The following INPP5A variants were observed in gnomAD, a reference collection of about 807,000 sequenced individuals.
INPP5A encodes the protein inositol polyphosphate-5-phosphatase A.
INPP5A carries 14 observed loss-of-function variants against 65.2 expected under a neutral mutation model. The observed-to-expected ratio is 0.21, with a 90% CI of 0.14 to 0.34. The LOEUF (loss-of-function observed/expected upper bound fraction) is 0.34. INPP5A is among the 10% of genes least tolerant of loss of function. The probability of loss-of-function intolerance (pLI) is 1.00; values close to 1 mark genes in which losing one functional copy is unlikely to be tolerated. For synonymous variants in INPP5A, 207 were observed against 208.3 expected (o/e 0.99, Z 0.05); for missense variants, 431 against 545.6 (o/e 0.79, Z 2.09).
chr10:132,662,202 T>C (rs2072745468), intron 4 of INPP5A, among the ~76,000 whole-genome samples: 1 of 152,172 alleles, frequency 6.6e-6, no homozygotes, highest in African/African-American at 2.4e-5. Context: ...GCCGTCGTGT[T>C]AGTGCTGGAA....
chr10:132,671,354 T>C (rs891298150), intron 4 of INPP5A, among the ~76,000 whole-genome samples: 2 of 149,834 alleles, frequency 1.3e-5, no homozygotes, highest in East Asian at 2.0e-4. Context: ...CCTCCCTGCT[T>C]CGGACTCCGC....
chr10:132,589,746 A>G (rs1375016589), intron 1 of INPP5A, among the ~76,000 whole-genome samples: 1 of 152,154 alleles, frequency 6.6e-6, no homozygotes, highest in Admixed American at 6.5e-5. Context: ...GCCTTCAGAG[A>G]GCAGACAGAC....
rs1395961990 is a variant in INPP5A, at chr10:132,675,987, A to G, written c.307-14405A>G. Among the ~76,000 whole-genome samples, 1 of 152,224 alleles carries G rather than the reference A, an allele frequency of 6.6e-6. No individual in the cohort carries two copies. Among genetic ancestry groups the G allele is most frequent in the Non-Finnish European group, 1.5e-5 (1 of 68,038 alleles). On this transcript the variant is annotated intron_variant, in intron 4 of 15. Coordinates refer to ENST00000368594, the MANE Select transcript of INPP5A (RefSeq NM_005539.5). This position sits in a 1 kb window ranked among gnomAD's most constrained non-coding sequence, Gnocchi z 4.2. The stretch of plus-strand genomic sequence containing the variant: ...GCTAATGATTTTTAGAAGACAAAAG[A>G]TAAGAGTCAGAACCATTTTAATTAG...
intron 1 of INPP5A, among the ~76,000 whole-genome samples, chr10:132,563,678 G>C (rs552109341): frequency 6.6e-6 from 1 of 152,072 alleles, no homozygotes; most frequent in South Asian, 2.1e-4. Context: ...AGGAAAGAGA[G>C]AAAGGAAAGG....
chr10:132,733,783 G>A (rs1846128272), intron 9 of INPP5A, among the ~76,000 whole-genome samples: 1 of 152,168 alleles, frequency 6.6e-6, no homozygotes, highest in Non-Finnish European at 1.5e-5. Flanking sequence ...AGCTGATGCC[G>A]GCCTCTGCAC....
In INPP5A at chr10:132,577,447, C is replaced by T. The variant is rs148591507; in HGVS notation, c.76-30468C>T. ...TTTTTGTTCACACGTTTATCTCGGG[C>T]TGCGCATGCCCGGCCCCGGGCCAGG... On this transcript the variant is annotated intron_variant, in intron 1 of 15. Transcript: ENST00000368594. Among the ~76,000 whole-genome samples, 501 of 152,352 alleles carry T rather than the reference C, an allele frequency of 3.3e-3. 2 individuals carry two copies. Among genetic ancestry groups the T allele is most frequent in the African/African-American group, 0.012 (485 of 41,586 alleles).
At position 132,735,267 on chromosome 10, in the gene INPP5A, G is replaced by C. The variant is rs114876782; in HGVS notation, c.732+8362G>C. Among the ~76,000 whole-genome samples, 950 of 152,350 alleles carry C rather than the reference G, an allele frequency of 6.2e-3. 3 individuals are homozygous for C. Among genetic ancestry groups the C allele is most frequent in the African/African-American group, 0.022 (914 of 41,580 alleles). On this transcript the variant is annotated intron_variant, in intron 9 of 15. Transcript: ENST00000368594. ...AGCCTCCACCCTGGGTTTGTGGGGA[G>C]ATCTGTGCCCTCCTCTGGGGTGGTT... is the stretch of plus-strand genomic sequence containing the variant.
At chr10:132,717,053 A>C (rs1845752741) in intron 8 of INPP5A, among the ~76,000 whole-genome samples, 1 of 152,226 alleles carries the variant, frequency 6.6e-6, no homozygotes, top group African/African-American at 2.4e-5. Flanking sequence ...CGCCCACCGC[A>C]ACACAACTCT....
At chr10:132,682,798 T>G (rs1015388935) in intron 4 of INPP5A, among the ~76,000 whole-genome samples, 1 of 151,868 alleles carries the variant, frequency 6.6e-6, no homozygotes, top group Non-Finnish European at 1.5e-5. Context: ...AATCTACGTG[T>G]ACACGTGTGT....
chr10:132,692,603 T>A (rs1241180253), intron 5 of INPP5A, among the ~76,000 whole-genome samples: 1 of 152,202 alleles, frequency 6.6e-6, no homozygotes, highest in Non-Finnish European at 1.5e-5. Context: ...GGATAACAAT[T>A]ACATTGGACC....
chr10:132,622,929 T>G (rs1021508996), intron 2 of INPP5A, among the ~76,000 whole-genome samples: 1 of 149,634 alleles, frequency 6.7e-6, no homozygotes, highest in African/African-American at 2.5e-5. Flanking sequence ...TACGCTGACG[T>G]GTTAGAACTT....
Position 132,744,959 on chromosome 10 carries a change from G to A in INPP5A, c.733-4558G>A, listed in dbSNP as rs573332995. Among the ~76,000 whole-genome samples, 3 of 152,330 alleles carry A rather than the reference G, an allele frequency of 2.0e-5. No individual in the cohort carries two copies. In the East Asian group the frequency reaches 5.8e-4, roughly 30 times the overall value. ...AAAGTGCTGTCCTGGGCCCGGCGGT[G>A]CAGCCCCTGGCAGCTTGCGAGGCCC... On this transcript the variant is annotated intron_variant, in intron 9 of 15. Coordinates refer to ENST00000368594, the MANE Select transcript of INPP5A (RefSeq NM_005539.5).
At chr10:132,632,574 G>A (rs2072290132) in intron 2 of INPP5A, among the ~76,000 whole-genome samples, 1 of 152,154 alleles carries the variant, frequency 6.6e-6, no homozygotes, top group African/African-American at 2.4e-5. Context: ...TGCCCGGTGT[G>A]CTTCCTGGAA....
At position 132,545,293 on chromosome 10, in the gene INPP5A, G is replaced by T. The variant is rs1388823690; in HGVS notation, c.75+7122G>T. ...AGACCCAGGCCTGCCCCACCGTGAA[G>T]CATCAAATTTAGAGCCCCTCTGTCC... On this transcript the variant is annotated intron_variant, in intron 1 of 15. Transcript: ENST00000368594. This position sits in a 1 kb window ranked among gnomAD's most constrained non-coding sequence, Gnocchi z 4.6. Among the ~76,000 whole-genome samples, 2 of 152,202 alleles carry T rather than the reference G, an allele frequency of 1.3e-5. No homozygotes were observed. Among genetic ancestry groups the T allele is most frequent in the African/African-American group, 4.8e-5 (2 of 41,446 alleles).
At position 132,593,659 on chromosome 10, in the gene INPP5A, T is replaced by C. The variant is rs187060205; in HGVS notation, c.76-14256T>C. Reference sequence around the variant, plus strand: ...GTGGTTTCTGTTGACAAGTTCACTCTAATTCTTGTCCTTGTTCCTCTATAG... The same window carrying C: ...GTGGTTTCTGTTGACAAGTTCACTCCAATTCTTGTCCTTGTTCCTCTATAG... On this transcript the variant is annotated intron_variant, in intron 1 of 15. Transcript: ENST00000368594. 7.1e-3 allele frequency among the ~76,000 whole-genome samples: 1,089 copies of C among 152,366 alleles called. 15 individuals are homozygous for C. The highest frequency in any genetic ancestry group is 8.5e-3 in the Non-Finnish European group (578 of 68,036).
chr10:132,729,636 C>T (rs561068968), intron 9 of INPP5A, among the ~76,000 whole-genome samples: 13 of 152,210 alleles, frequency 8.5e-5, no homozygotes, highest in Admixed American at 2.6e-4. Context: ...GTTAGGCTGT[C>T]GCTAAAGGAG....
At chr10:132,739,171 C>T (rs1167297102) in intron 9 of INPP5A, among the ~76,000 whole-genome samples, 1 of 152,240 alleles carries the variant, frequency 6.6e-6, no homozygotes, top group Non-Finnish European at 1.5e-5. Context: ...GTGTTCGGTG[C>T]CCACTCTGGT....
chr10:132,599,015 G>T (rs1240129076), intron 1 of INPP5A, among the ~76,000 whole-genome samples: 1 of 152,160 alleles, frequency 6.6e-6, no homozygotes, highest in African/African-American at 2.4e-5. Context: ...GGAATTCTGG[G>T]AGATACAATT....
chr10:132,751,141 G>A (rs570302142), intron 11 of INPP5A, among the ~76,000 whole-genome samples: 7 of 152,266 alleles, frequency 4.6e-5, no homozygotes, highest in East Asian at 1.9e-4. Flanking sequence ...CAGACCCCAC[G>A]CTCCTGTCTT....
Sources: allele counts gnomAD v4.1 joint callset (sites outside exome capture counted in the v4.1 genomes callset), GRCh38; gene constraint gnomAD v4.1.1; non-coding constraint Gnocchi (gnomAD v3.1); transcripts MANE v1.5; gene names NCBI Gene and HGNC (gene_info 2026-07-23, HGNC 2026-07-21).